The following CCN6 variants were observed in gnomAD, a reference collection of about 807,000 sequenced individuals.
CCN6 encodes the protein cellular communication network factor 6.
Under a neutral mutation model 37.4 loss-of-function variants are expected in CCN6, and 31 were observed. That is an observed-to-expected ratio of 0.83 (90% CI 0.62 to 1.12). The LOEUF (loss-of-function observed/expected upper bound fraction) is 1.12. Ranked by LOEUF, CCN6 falls within the 50% of genes most tolerant of loss-of-function variation. The pLI, the probability that CCN6 is intolerant of heterozygous loss-of-function variation, is 0.00. For synonymous variants in CCN6, 137 were observed against 142.1 expected, an observed-to-expected ratio of 0.96 and a Z score of 0.26; for missense variants, 369 against 413.8, an observed-to-expected ratio of 0.89 and a Z score of 0.94.
intron 2 of CCN6, among the ~76,000 whole-genome samples, chr6:112,064,384 C>G (rs587682594): frequency 1.3e-5 from 2 of 152,320 alleles, no homozygotes; most frequent in East Asian, 3.9e-4. Context: ...TTCAGACATT[C>G]ACTTATCCTG....
intron 4 of CCN6, among the ~76,000 whole-genome samples, chr6:112,068,982 A>C (rs2114471389): frequency 6.6e-6 from 1 of 152,312 alleles, no homozygotes; most frequent in East Asian, 1.9e-4. Flanking sequence ...TCATCTATGC[A>C]TCCACTGAAA....
At chr6:112,059,736 C>T (rs140942771) in intron 1 of CCN6, among the ~76,000 whole-genome samples, 16 of 152,260 alleles carry the variant, frequency 1.1e-4, no homozygotes, top group African/African-American at 3.4e-4. Context: ...CACCACTGCA[C>T]GCTGTTGCTA....
intron 1 of CCN6, among the ~76,000 whole-genome samples, chr6:112,058,167 G>T (rs1554312133): frequency 6.6e-6 from 1 of 152,154 alleles, no homozygotes; most frequent in African/African-American, 2.4e-5. Flanking sequence ...TTCTCCAGAA[G>T]CCCAGCAGTG....
chr6:112,068,923 A>G (rs1459346520), intron 4 of CCN6, among the ~76,000 whole-genome samples: 1 of 152,184 alleles, frequency 6.6e-6, no homozygotes, highest in Non-Finnish European at 1.5e-5. Flanking sequence ...ATTCTCTATC[A>G]TATTAGCAAG....
At chr6:112,055,001 C>A (rs1252474395) in intron 1 of CCN6, 1 of 159,532 alleles carries the variant, frequency 6.3e-6, no homozygotes, top group African/African-American at 2.4e-5. Context: ...GGAAGTTTAA[C>A]TTACTATGAG....
intron 3 of CCN6, 35 bp from the exon 4 acceptor site, chr6:112,068,170 A>G (rs1554314444): frequency 2.0e-6 from 3 of 1,465,016 alleles, no homozygotes; most frequent in Non-Finnish European, 2.8e-6. Flanking sequence ...GTACATTTAT[A>G]TGTATACATA....
rs1298398614 is a variant in CCN6, at chr6:112,054,180, C to T, written c.-178C>T. The T allele has an allele frequency of 6.0e-5, 52 of 873,166 alleles. No individual in the cohort carries two copies. In the East Asian group the frequency reaches 1.1e-3, roughly 19 times the overall value. 54.1% of individuals were successfully genotyped at this position (873,166 alleles called of 1,614,324 possible). ...CATGAAAGTAAACAGGGTATTAAAA[C>T]GGATCCTTAAAAATGAAAGTGCAGG... On this transcript the variant is annotated 5_prime_UTR_variant, in exon 1 of 5. In the 5' UTR this introduces an upstream ATG that the reference lacks. Transcript: ENST00000368666.
At chr6:112,060,953 G>A (rs782378523) in intron 1 of CCN6, 38 bp from the exon 2 acceptor site, 4 of 1,611,760 alleles carry the variant, frequency 2.5e-6, no homozygotes, top group Non-Finnish European at 3.4e-6. Flanking sequence ...ATTACATAGA[G>A]AAGCTATTTC....
chr6:112,069,610 A>C lies in CCN6; in HGVS notation c.1055A>C (p.Lys352Thr). 4 of 1,613,696 alleles carry C rather than the reference A, an allele frequency of 2.5e-6. No homozygotes were observed. The highest frequency in any genetic ancestry group is 3.4e-6 in the Non-Finnish European group (4 of 1,179,782). Residue 352 changes from lysine (K) to threonine (T), a missense_variant, in exon 5 of 5, where the codon AAG (lysine) becomes ACG (threonine). By Grantham distance (78) the Lys-to-Thr change is moderately conservative. Coordinates refer to ENST00000368666, the MANE Select transcript of CCN6 (RefSeq NM_198239.2). ...REPGDIFSEL[K>T]IL is the part of the protein sequence containing the mutation. ...CCTGGAGATATATTTTCTGAGCTCAAGATTCTGTAAAACCAAGCAAATGGG... is the reference window on the plus strand; with the variant it reads ...CCTGGAGATATATTTTCTGAGCTCACGATTCTGTAAAACCAAGCAAATGGG...
Position 112,055,570 on chromosome 6 carries a change from T to C in CCN6, c.48+1165T>C, listed in dbSNP as rs185807437. ...AATAGCTGCTATATGCCAAATACTG[T>C]GCTGGGTGCTTTATTTATTTATTTA... On this transcript the variant is annotated intron_variant, in intron 1 of 4. Transcript: ENST00000368666. 2.1e-3 allele frequency among the ~76,000 whole-genome samples: 312 copies of C among 152,006 alleles called. 1 individual carries two copies. Among genetic ancestry groups the C allele is most frequent in the African/African-American group, 7.3e-3 (301 of 41,278 alleles).
At chr6:112,053,222 T>TG (rs1300608818), upstream of CCN6, among the ~76,000 whole-genome samples, 1 of 151,852 alleles carries the variant, frequency 6.6e-6, no homozygotes, top group African/African-American at 2.4e-5. Flanking sequence ...CAGGAGGAGA[T>TG]GCGCTGGTGG....
At position 112,059,321 on chromosome 6, in the gene CCN6, T is replaced by A. The variant is rs1776439022; in HGVS notation, c.49-1670T>A. 2.6e-5 allele frequency among the ~76,000 whole-genome samples: 4 copies of A among 152,314 alleles called. No individual in the cohort carries two copies. The South Asian group carries it at 8.3e-4, about 32-fold the overall frequency. ...ACATGATTATCTACAGTTCTGGACA[T>A]CTGATGTCCAAAAATGGGTCTTACA... On this transcript the variant is annotated intron_variant, in intron 1 of 4. Coordinates refer to ENST00000368666, the MANE Select transcript of CCN6 (RefSeq NM_198239.2).
At position 112,061,267 on chromosome 6, in the gene CCN6, T is replaced by C. The variant is rs782346862; in HGVS notation, c.325T>C (p.Tyr109His). 1 of 1,614,196 alleles carries C rather than the reference T, an allele frequency of 6.2e-7. No homozygotes were observed. Among genetic ancestry groups the C allele is most frequent in the South Asian group, 1.1e-5 (1 of 91,090 alleles). ...TGACTACTCAGTAGACAGGCCTAGGTACGAGACTGGAGTGTGTGCATGTAA... is the reference window on the plus strand; with the variant it reads ...TGACTACTCAGTAGACAGGCCTAGGCACGAGACTGGAGTGTGTGCATGTAA... ...YCDYSVDRPR[Y>H]ETGVCAYLVA... The change falls in exon 2 of 5, where the codon TAC becomes CAC. Residue 109 changes from tyrosine (Y) to histidine (H), a missense_variant. Physicochemically the swap from Tyr to His is moderately conservative, Grantham distance 83. Transcript: ENST00000368666.
intron 3 of CCN6, chr6:112,066,887 T>A (rs1554314077): frequency 6.2e-6 from 7 of 1,125,940 alleles, no homozygotes; most frequent in Non-Finnish European, 8.5e-6. Flanking sequence ...TAATGAATGG[T>A]AAATTCCTGA....
In CCN6 at chr6:112,064,797, A is replaced by G. The variant is rs1312401479; in HGVS notation, c.389A>G (p.His130Arg). ...TGCGAGTTCAACCAGGTACATTATC[A>G]TAATGGCCAAGTGTTTCAGCCCAAC... ...VGCEFNQVHYHNGQVFQPNPL... is the reference protein window; with the variant it reads ...VGCEFNQVHYRNGQVFQPNPL... Residue 130 changes from histidine to arginine, a missense_variant, in exon 3 of 5, where the codon CAT becomes CGT. Physicochemically the swap from His to Arg is conservative, Grantham distance 29. Transcript: ENST00000368666. 4 of 1,613,944 alleles carry G rather than the reference A, an allele frequency of 2.5e-6. No individual in the cohort carries two copies. The highest frequency in any genetic ancestry group is 3.4e-6 in the Non-Finnish European group (4 of 1,179,938).
In CCN6 at chr6:112,061,190, G is replaced by A. The variant is rs147337485; in HGVS notation, c.248G>A (p.Gly83Glu). ...TGTAAAATCTGTGCCAAGCAACCAGGGGAAATCTGCAATGAAGCTGACCTC... is the reference window on the plus strand; with the variant it reads ...TGTAAAATCTGTGCCAAGCAACCAGAGGAAATCTGCAATGAAGCTGACCTC... ...GCCKICAKQP[G>E]EICNEADLCD... Residue 83 changes from glycine (G) to glutamate (E), a missense_variant, in exon 2 of 5, where the codon GGG becomes GAG. Gly to Glu is a moderately conservative substitution (Grantham distance 98). Transcript: ENST00000368666. The A allele has an allele frequency of 1.4e-3, 2,191 of 1,614,180 alleles. 33 individuals are homozygous for A. In the South Asian group the frequency reaches 0.016, roughly 12 times the overall value.
At position 112,061,147 on chromosome 6, in the gene CCN6, A is replaced by C; in HGVS notation, c.205A>C (p.Arg69=). The C allele has an allele frequency of 6.2e-7, 1 of 1,614,166 alleles. No individual in the cohort carries two copies. The highest frequency in any genetic ancestry group is 8.5e-7 in the Non-Finnish European group (1 of 1,180,022). Residue 69 remains arginine (R), a synonymous_variant, in exon 2 of 5, where the codon AGA becomes CGA. Transcript: ENST00000368666. The stretch of plus-strand genomic sequence containing the variant: ...TTGCCCTCCTGGAGTGAGCCTGGTG[A>C]GAGATGGCTGTGGATGCTGTAAAAT... ...PRCPPGVSLV[R]DGCGCCKICA...
intron 2 of CCN6, among the ~76,000 whole-genome samples, chr6:112,064,275 A>G (rs112493173): frequency 0.022 from 3,279 of 152,310 alleles, 118 homozygotes; most frequent in African/African-American, 0.076. Context: ...CTATCCAGAA[A>G]GTCAAGAATA....
At chr6:112,053,740 AG>A (rs1282017483), upstream of CCN6, among the ~76,000 whole-genome samples, 1 of 151,894 alleles carries the variant, frequency 6.6e-6, no homozygotes, top group East Asian at 1.9e-4. Flanking sequence ...GTTGGGATAA[AG>A]GTGAGCCCAG....
Sources: allele counts gnomAD v4.1 joint callset (sites outside exome capture counted in the v4.1 genomes callset), GRCh38; gene constraint gnomAD v4.1.1; transcripts MANE v1.5; gene names NCBI Gene and HGNC (gene_info 2026-07-23, HGNC 2026-07-21).